ANK1: variants seen among roughly 807,000 people sequenced by gnomAD.
ANK1 encodes the protein ankyrin 1, also known as ankyrin-1.
ANK1 carries 51 observed loss-of-function variants against 210.4 expected under a neutral mutation model. The observed-to-expected ratio is 0.24, with a 90% CI of 0.19 to 0.31. ANK1 has a LOEUF of 0.31. ANK1 is among the 10% of genes least tolerant of loss of function. ANK1 has a pLI of 1.00. For missense variants in ANK1, 2,051 were observed against 2,504.4 expected, an observed-to-expected ratio of 0.82 and a Z score of 3.86; for synonymous variants, 967 against 1,025.9, an observed-to-expected ratio of 0.94 and a Z score of 1.10.
At chr8:41,717,461 G>T (rs958431802) in intron 12 of ANK1, 143 bp downstream of exon 12, 7 of 816,596 alleles carry the variant, frequency 8.6e-6, no homozygotes, top group African/African-American at 5.1e-5. Flanking sequence ...CAGTACACAG[G>T]GATGTCCTCC....
intron 20 of ANK1, 150 bp from the exon 21 acceptor site, chr8:41,702,294 T>G (rs951243919): frequency 2.3e-5 from 15 of 641,148 alleles, no homozygotes; most frequent in East Asian, 1.1e-4. Flanking sequence ...AAGAGATCCC[T>G]GCACGTGTGT....
At chr8:41,668,618 T>C in intron 38 of ANK1, 54 bp from the exon 39 acceptor site, 1 of 1,549,130 alleles carries the variant, frequency 6.5e-7, no homozygotes, top group Non-Finnish European at 8.8e-7. Context: ...AAAAGACACC[T>C]GGTCACCCAT....
At position 41,655,250 on chromosome 8, in the gene ANK1, C is replaced by T. The variant is rs1805268494; in HGVS notation, c.*540G>A. 6.4e-6 allele frequency: 1 copy of T among 156,948 alleles called. No individual in the cohort carries two copies. Among genetic ancestry groups the T allele is most frequent in the Admixed American group, 6.0e-5 (1 of 16,776 alleles). The allele number at this position is 156,948 out of a possible 1,614,324, so 9.7% of individuals were successfully genotyped here. A position where few individuals can be genotyped will look rare whatever the true frequency, so the allele number is the denominator to read the frequency against. On this transcript the variant is annotated 3_prime_UTR_variant, in exon 43 of 43. Transcript: ENST00000289734. ...AGGTATGTGGGTTGGGGAGGGTGGG[C>T]AGATGAGGACATGGCTTAAGATTAA...
In ANK1 at chr8:41,714,176, AGCC is replaced by A; in HGVS notation, c.1777_1779del (p.Gly593del). 1 of 1,445,204 alleles carries A rather than the reference AGCC, an allele frequency of 6.9e-7. No individual in the cohort carries two copies. Among genetic ancestry groups the A allele is most frequent in the South Asian group, 1.7e-5 (1 of 59,820 alleles). The allele number at this position is 1,445,204 out of a possible 1,614,324, so 89.5% of individuals were successfully genotyped here. A position where few individuals can be genotyped will look rare whatever the true frequency, so the allele number is the denominator to read the frequency against. Reference sequence around the variant, plus strand: ...CTTACCCAGGCAGGGCTGTGCGGGGAGCCGCCCCGGGGAAGCAGCAGCTTGACG... The same window carrying A: ...CTTACCCAGGCAGGGCTGTGCGGGGAGCCCCGGGGAAGCAGCAGCTTGACG... On this transcript the variant is annotated inframe_deletion, in exon 16 of 43. Coordinates refer to ENST00000289734, the MANE Select transcript of ANK1 (RefSeq NM_000037.4).
At chr8:41,882,467 A>T (rs541974268) in intron 1 of ANK1, among the ~76,000 whole-genome samples, 1 of 152,274 alleles carries the variant, frequency 6.6e-6, no homozygotes, top group South Asian at 2.1e-4. Context: ...GGTGTTCAGC[A>T]CCTGGAGCTT....
In ANK1 at chr8:41,724,474, G is replaced by T. The variant is rs200597167; in HGVS notation, c.693C>A (p.Ser231Arg). 1.9e-6 allele frequency: 3 copies of T among 1,589,520 alleles called. No homozygotes were observed. The highest frequency in any genetic ancestry group is 1.8e-5 in the Admixed American group (1 of 56,840). Residue 231 changes from serine (S) to arginine (R), a missense_variant, in exon 7 of 43, where the codon AGC becomes AGA. Ser to Arg is a moderately radical substitution (Grantham distance 110). Around this residue, in one of 6 missense-constraint regions of ANK1, gnomAD observed 1,413 missense variants for 1,707.4 expected, o/e 0.83. Coordinates refer to ENST00000289734, the MANE Select transcript of ANK1 (RefSeq NM_000037.4). ...VAQLLLNRGA[S>R]VNFTPQNGIT... ...GGGTTACCTGTGGTGTGAAATTGAC[G>T]CTGGCTCCTCTGTTGAGGAGCAACT...
At chr8:41,787,542 C>T (rs939432267) in intron 1 of ANK1, among the ~76,000 whole-genome samples, 46 of 152,270 alleles carry the variant, frequency 3.0e-4, no homozygotes, top group Middle Eastern at 3.4e-3. Flanking sequence ...TAAACCAGTG[C>T]AATCAACACA....
intron 3 of ANK1, 84 bp downstream of exon 3, chr8:41,733,887 C>G (rs1229485144): frequency 9.0e-7 from 1 of 1,109,790 alleles, no homozygotes; most frequent in African/African-American, 1.5e-5. Context: ...TGCCTGAGTT[C>G]TCTCATGAAG....
At chr8:41,812,531 T>A (rs1271215640) in intron 1 of ANK1, among the ~76,000 whole-genome samples, 1 of 152,246 alleles carries the variant, frequency 6.6e-6, no homozygotes, top group Non-Finnish European at 1.5e-5. Context: ...CTCTTCCTGA[T>A]AAAGATACTT....
At chr8:41,788,117 C>T (rs1382370627) in intron 1 of ANK1, among the ~76,000 whole-genome samples, 1 of 152,164 alleles carries the variant, frequency 6.6e-6, no homozygotes, top group African/African-American at 2.4e-5. Context: ...CAATTTGTAA[C>T]AAACACAGTG....
At position 41,711,731 on chromosome 8, in the gene ANK1, G is replaced by A. The variant is rs1586340719; in HGVS notation, c.1800+2425C>T. Among the ~76,000 whole-genome samples, 6 of 152,120 alleles carry A rather than the reference G, an allele frequency of 3.9e-5. No homozygotes were observed. In the South Asian group the frequency reaches 6.2e-4, roughly 16 times the overall value. ...ATATACCTTCCATGTATTGATTTAC[G>A]TCTTTGCCTGTAACTCCTGCCTCTC... On this transcript the variant is annotated intron_variant, in intron 16 of 42. Transcript: ENST00000289734.
At chr8:41,819,931 C>T (rs1386867805) in intron 1 of ANK1, among the ~76,000 whole-genome samples, 1 of 152,246 alleles carries the variant, frequency 6.6e-6, no homozygotes, top group Admixed American at 6.5e-5. Context: ...ATCATGAACT[C>T]AGCAGCCTGT....
intron 1 of ANK1, among the ~76,000 whole-genome samples, chr8:41,856,012 C>T (rs948878543): frequency 1.3e-5 from 2 of 152,130 alleles, no homozygotes; most frequent in African/African-American, 4.8e-5. Context: ...ATTCTGATGT[C>T]AACAAGCCGG....
chr8:41,670,710 G>C (rs3802316), intron 38 of ANK1, among the ~76,000 whole-genome samples: 34,720 of 152,126 alleles, frequency 0.23, 4,108 homozygotes, highest in Middle Eastern at 0.3. Context: ...CTCAGGGTGG[G>C]ACTGAGGGGT....
chr8:41,748,085 G>A (rs890479401), intron 2 of ANK1, among the ~76,000 whole-genome samples: 6 of 152,120 alleles, frequency 3.9e-5, no homozygotes, highest in Non-Finnish European at 8.8e-5. Flanking sequence ...CAACTCTCAG[G>A]GTGACGTCAG....
At chr8:41,710,496 G>A (rs571768565) in intron 16 of ANK1, among the ~76,000 whole-genome samples, 2 of 152,342 alleles carry the variant, frequency 1.3e-5, no homozygotes, top group South Asian at 4.1e-4. Flanking sequence ...CTGATTCAGA[G>A]GCGCTAGGGA....
At chr8:41,688,974 TG>T (rs1398401091) in intron 33 of ANK1, among the ~76,000 whole-genome samples, 9 of 152,228 alleles carry the variant, frequency 5.9e-5, no homozygotes, top group African/African-American at 1.9e-4. Flanking sequence ...GCAATGGAGC[TG>T]GGGTTGAACT....
Position 41,742,137 on chromosome 8 carries a change from AT to A in ANK1, c.130-8069del, listed in dbSNP as rs1396247004. Among the ~76,000 whole-genome samples, 13 of 152,348 alleles carry A rather than the reference AT, an allele frequency of 8.5e-5. No homozygotes were observed. The South Asian group carries it at 1.9e-3, about 22-fold the overall frequency. On this transcript the variant is annotated intron_variant, in intron 2 of 42. Transcript: ENST00000289734. Reference sequence around the variant, plus strand: ...CAGCCTGATTAATTCAATGTGGAGTATTTTCTTGCACCAACTGTGAGAAATT... The same window carrying A: ...CAGCCTGATTAATTCAATGTGGAGTATTTCTTGCACCAACTGTGAGAAATT...
chr8:41,734,096 G>A, intron 2 of ANK1, 27 bp from the exon 3 acceptor site: 1 of 1,594,158 alleles, frequency 6.3e-7, no homozygotes, highest in Non-Finnish European at 8.6e-7. Context: ...GGCGGGAAGG[G>A]CATGGTTAGT....
Sources: allele counts gnomAD v4.1 joint callset (sites outside exome capture counted in the v4.1 genomes callset), GRCh38; gene constraint gnomAD v4.1.1; regional missense constraint gnomAD v4.1.1; transcripts MANE v1.5; gene names NCBI Gene and HGNC (gene_info 2026-07-23, HGNC 2026-07-21).